The following CREB3L2 variants were observed in gnomAD, a reference collection of about 807,000 sequenced individuals.
CREB3L2 encodes the protein cAMP responsive element binding protein 3 like 2.
CREB3L2 carries 23 observed loss-of-function variants against 57.2 expected under a neutral mutation model. That is an observed-to-expected ratio of 0.40 (90% CI 0.29 to 0.57). The LOEUF (loss-of-function observed/expected upper bound fraction) is 0.57, where lower values mean the gene tolerates loss of function less well. Ranked by LOEUF, CREB3L2 falls within the 20% of genes least tolerant of loss-of-function variation. CREB3L2 has a pLI of 0.42. For synonymous variants in CREB3L2, 268 were observed against 265.1 expected (o/e 1.01, Z -0.11); for missense variants, 628 against 634.7 (o/e 0.99, Z 0.11).
chr7:137,942,202 C>T (rs1306397374), intron 1 of CREB3L2, among the ~76,000 whole-genome samples: 1 of 152,206 alleles, frequency 6.6e-6, no homozygotes, highest in African/African-American at 2.4e-5. Flanking sequence ...CTCATTCAAA[C>T]TTTTATGAAG....
At chr7:137,998,725 A>G (rs1009652133) in intron 1 of CREB3L2, among the ~76,000 whole-genome samples, 3 of 152,258 alleles carry the variant, frequency 2.0e-5, no homozygotes, top group African/African-American at 7.2e-5. Context: ...CACTAGACAC[A>G]ATGTCTTTCA....
At chr7:137,953,834 G>T (rs918290327) in intron 1 of CREB3L2, among the ~76,000 whole-genome samples, 1 of 152,142 alleles carries the variant, frequency 6.6e-6, no homozygotes, top group African/African-American at 2.4e-5. Flanking sequence ...TAAAACAGAC[G>T]GTCAAACAAA....
intron 1 of CREB3L2, chr7:137,953,616 G>A: frequency 2.1e-6 from 2 of 939,604 alleles, no homozygotes; most frequent in Non-Finnish European, 3.0e-6. Flanking sequence ...CTGTTGGAAA[G>A]TCCTTGTTTC....
chr7:137,998,584 T>C (rs57233773), intron 1 of CREB3L2, among the ~76,000 whole-genome samples: 5,208 of 152,282 alleles, frequency 0.034, 305 homozygotes, highest in African/African-American at 0.12. Context: ...TATCACTAAA[T>C]AGCTGTGGGA....
At chr7:137,920,726 A>G (rs1475403339) in intron 2 of CREB3L2, among the ~76,000 whole-genome samples, 1 of 152,266 alleles carries the variant, frequency 6.6e-6, no homozygotes, top group Admixed American at 6.5e-5. Context: ...CAGACCTACT[A>G]GTTACATCAC....
intron 1 of CREB3L2, among the ~76,000 whole-genome samples, chr7:137,998,698 G>A (rs773382731): frequency 4.6e-5 from 7 of 152,202 alleles, no homozygotes; most frequent in Non-Finnish European, 1.5e-5. Flanking sequence ...GGGTTAAATG[G>A]CATAATATTT....
At chr7:137,963,504 G>C (rs1358779695) in intron 1 of CREB3L2, among the ~76,000 whole-genome samples, 3 of 152,092 alleles carry the variant, frequency 2.0e-5, no homozygotes, top group African/African-American at 7.2e-5. Flanking sequence ...AATCTTTCTA[G>C]CTTCTGGATA....
rs1326143331 is a variant in CREB3L2 at position 138,001,950 on chromosome 7, G to A, written c.-245C>T. Reference sequence around the variant, plus strand: ...GACACGAGCCGGACCAAAGGCTGCCGGGGCTAAAGCGGGATGTGCATCCAA... The same window carrying A: ...GACACGAGCCGGACCAAAGGCTGCCAGGGCTAAAGCGGGATGTGCATCCAA... On this transcript the variant is annotated 5_prime_UTR_variant, in exon 1 of 12. Coordinates refer to ENST00000330387, the MANE Select transcript of CREB3L2 (RefSeq NM_194071.4). The surrounding 1 kb of genome is among the most constrained non-coding windows in gnomAD (Gnocchi z 4.2). The A allele has an allele frequency of 1.1e-4, 50 of 443,662 alleles. No individual in the cohort carries two copies. In the Admixed American group the frequency reaches 1.4e-3, roughly 13 times the overall value. The allele number at this position is 443,662 out of a possible 1,614,324, so 27.5% of individuals were successfully genotyped here.
intron 3 of CREB3L2, among the ~76,000 whole-genome samples, chr7:137,915,241 T>C (rs1800102411): frequency 6.6e-6 from 1 of 152,102 alleles, no homozygotes; most frequent in Non-Finnish European, 1.5e-5. Flanking sequence ...GCGGTAGGCA[T>C]GGAATCTAGT....
intron 8 of CREB3L2, among the ~76,000 whole-genome samples, chr7:137,890,413 T>C (rs1204580514): frequency 6.6e-6 from 1 of 152,146 alleles, no homozygotes; most frequent in Non-Finnish European, 1.5e-5. Flanking sequence ...GCTGATGAGA[T>C]GGCTTTAGAA....
chr7:137,903,688 G>A lies in CREB3L2; in HGVS notation c.974+271C>T, dbSNP rs62488261. Among the ~76,000 whole-genome samples, 405 of 152,322 alleles carry A rather than the reference G, an allele frequency of 2.7e-3. 2 individuals carry two copies. Among genetic ancestry groups the A allele is most frequent in the Non-Finnish European group, 3.5e-3 (238 of 68,020 alleles). ...TGCAGGAATGTTAATATTTGTATGT[G>A]TTTGAAAAGAAGTCTGTGAGGACTC... On this transcript the variant is annotated intron_variant, in intron 7 of 11. Coordinates refer to ENST00000330387, the MANE Select transcript of CREB3L2 (RefSeq NM_194071.4).
At chr7:137,886,423 G>A (rs1799421825) in intron 8 of CREB3L2, among the ~76,000 whole-genome samples, 1 of 151,852 alleles carries the variant, frequency 6.6e-6, no homozygotes, top group Non-Finnish European at 1.5e-5. Flanking sequence ...TGGGGGCTGT[G>A]ACTGGAAATG....
At chr7:137,898,938 G>A (rs1338037686) in intron 8 of CREB3L2, among the ~76,000 whole-genome samples, 4 of 145,794 alleles carry the variant, frequency 2.7e-5, no homozygotes, top group Non-Finnish European at 5.9e-5. Context: ...GAGGGAGGGA[G>A]GGAGGAACAA....
In CREB3L2 at chr7:137,964,043, G is replaced by C. The variant is rs188425745; in HGVS notation, c.103-35677C>G. On this transcript the variant is annotated intron_variant, in intron 1 of 11. Coordinates refer to ENST00000330387, the MANE Select transcript of CREB3L2 (RefSeq NM_194071.4). Reference sequence around the variant, plus strand: ...TAAAGAAACACTTGCGGCCAGGCGCGGTGGCTCACGCCTGTAATCCCAGCA... The same window carrying C: ...TAAAGAAACACTTGCGGCCAGGCGCCGTGGCTCACGCCTGTAATCCCAGCA... 4.1e-3 allele frequency among the ~76,000 whole-genome samples: 623 copies of C among 152,312 alleles called. 2 individuals are homozygous for C. Among genetic ancestry groups the C allele is most frequent in the African/African-American group, 0.014 (596 of 41,572 alleles).
chr7:137,960,320 T>C (rs1032243656), intron 1 of CREB3L2, among the ~76,000 whole-genome samples: 1 of 151,762 alleles, frequency 6.6e-6, no homozygotes, highest in South Asian at 2.1e-4. Flanking sequence ...GTTCGTAACA[T>C]AGACTTTCCA....
chr7:137,939,628 C>A (rs953734264), intron 1 of CREB3L2, among the ~76,000 whole-genome samples: 1 of 152,190 alleles, frequency 6.6e-6, no homozygotes, highest in African/African-American at 2.4e-5. Context: ...AAGTGAAAGA[C>A]CATCAAAGCC....
intron 1 of CREB3L2, among the ~76,000 whole-genome samples, chr7:137,941,884 C>T (rs778668042): frequency 5.9e-5 from 9 of 152,296 alleles, no homozygotes; most frequent in East Asian, 5.8e-4. Context: ...ATTTCTCTGA[C>T]TTATCAGTCT....
chr7:137,929,790 A>T lies in CREB3L2; in HGVS notation c.103-1424T>A, dbSNP rs188874557. On this transcript the variant is annotated intron_variant, in intron 1 of 11. Coordinates refer to ENST00000330387, the MANE Select transcript of CREB3L2 (RefSeq NM_194071.4). ...AGGCTGAGGCAGGAGAATCGCTTGA[A>T]CCTAGGAGGCAGAGCTTGCAGTGAG... Among the ~76,000 whole-genome samples, 919 of 150,154 alleles carry T rather than the reference A, an allele frequency of 6.1e-3. 29 individuals are homozygous for T. The East Asian group carries it at 0.097, about 16-fold the overall frequency.
In CREB3L2 at chr7:137,875,289, T is replaced by C. The variant is rs2117161800; in HGVS notation, c.*5187A>G. 4.6e-6 allele frequency: 1 copy of C among 218,420 alleles called. No homozygotes were observed. Among genetic ancestry groups the C allele is most frequent in the South Asian group, 1.9e-4 (1 of 5,402 alleles). The allele number at this position is 218,420 out of a possible 1,614,324, so 13.5% of individuals were successfully genotyped here. On this transcript the variant is annotated 3_prime_UTR_variant, in exon 12 of 12. Coordinates refer to ENST00000330387, the MANE Select transcript of CREB3L2 (RefSeq NM_194071.4). ...ATTATAGCTCAGGGCCTGCTCAGCATTGTTTAAAAAGGGTCACTCACAGTT... is the reference window on the plus strand; with the variant it reads ...ATTATAGCTCAGGGCCTGCTCAGCACTGTTTAAAAAGGGTCACTCACAGTT...
Sources: gnomAD v4.1 joint callset for allele counts (sites outside exome capture counted in the v4.1 genomes callset) on GRCh38, gnomAD v4.1.1 for gene constraint, Gnocchi (gnomAD v3.1) non-coding constraint, MANE v1.5 for transcripts, NCBI Gene and HGNC (gene_info 2026-07-23, HGNC 2026-07-21) for gene names.